The following AGFG1 variants were observed in gnomAD, a reference collection of about 807,000 sequenced individuals.
AGFG1 encodes arf-GAP domain and FG repeat-containing protein 1.
In AGFG1, 10 loss-of-function variants were observed where a neutral mutation model predicts 60.6. The observed-to-expected ratio is 0.16, with a 90% CI of 0.10 to 0.28. AGFG1 has a LOEUF of 0.28. Among genes scored for constraint, AGFG1 ranks in the 10% least tolerant of loss-of-function variants. AGFG1 has a pLI of 1.00. For synonymous variants in AGFG1, 247 were observed against 242.9 expected, an observed-to-expected ratio of 1.02 and a Z score of -0.16; for missense variants, 537 against 676.5, an observed-to-expected ratio of 0.79 and a Z score of 2.29.
intron 8 of AGFG1, among the ~76,000 whole-genome samples, chr2:227,536,027 T>C (rs1203609044): frequency 6.6e-6 from 1 of 151,986 alleles, no homozygotes; most frequent in Non-Finnish European, 1.5e-5. Context: ...GTCTTTTTAT[T>C]TTTTTTTAAT....
chr2:227,554,534 G>A lies in AGFG1; in HGVS notation c.*39G>A, dbSNP rs1204619214. ...ATTTACTGGAACGAACTTTTATGTG[G>A]TCACATTACATCTCTCCACCTCTTG... On this transcript the variant is annotated 3_prime_UTR_variant, in exon 13 of 13. Transcript: ENST00000310078. 2.0e-6 allele frequency: 3 copies of A among 1,508,022 alleles called. No individual in the cohort carries two copies. The highest frequency in any genetic ancestry group is 2.8e-6 in the Non-Finnish European group (3 of 1,086,990). The allele number at this position is 1,508,022 out of a possible 1,614,324, so 93.4% of individuals were successfully genotyped here.
At position 227,560,835 on chromosome 2, in the gene AGFG1, T is replaced by G. The variant is rs998711874; in HGVS notation, c.*6340T>G. The G allele has an allele frequency of 5.3e-5, 8 of 152,176 alleles. No homozygotes were observed. Among genetic ancestry groups the G allele is most frequent in the African/African-American group, 1.9e-4 (8 of 41,454 alleles). 9.4% of individuals were successfully genotyped at this position (152,176 alleles called of 1,614,324 possible). A position where few individuals can be genotyped will look rare whatever the true frequency, so the allele number is the denominator to read the frequency against. ...GAAATTTCTTAACATGTCTTTGCTG[T>G]TAGTCAAGCACAGGATTTGTTTTCT... On this transcript the variant is annotated 3_prime_UTR_variant, in exon 13 of 13. Transcript: ENST00000310078.
intron 12 of AGFG1, 74 bp from the exon 13 acceptor site, chr2:227,554,362 C>T: frequency 8.2e-7 from 1 of 1,225,610 alleles, no homozygotes; most frequent in Non-Finnish European, 1.2e-6. Context: ...AAATTAAATT[C>T]AGTTTAATGT....
chr2:227,516,700 A>G (rs1691661330), intron 2 of AGFG1, among the ~76,000 whole-genome samples: 1 of 152,218 alleles, frequency 6.6e-6, no homozygotes, highest in Non-Finnish European at 1.5e-5. Flanking sequence ...TGGCAGCTCT[A>G]TGATCTGTCT....
intron 2 of AGFG1, among the ~76,000 whole-genome samples, chr2:227,509,300 C>T (rs1052704740): frequency 6.6e-6 from 1 of 152,070 alleles, no homozygotes; most frequent in Non-Finnish European, 1.5e-5. Flanking sequence ...AGACATACCA[C>T]CAAACAGCTG....
At chr2:227,504,444 T>C (rs1691251966) in intron 2 of AGFG1, among the ~76,000 whole-genome samples, 1 of 152,164 alleles carries the variant, frequency 6.6e-6, no homozygotes, top group Non-Finnish European at 1.5e-5. Context: ...CCGCCTGCCT[T>C]GGCCTCCCAG....
intron 1 of AGFG1, among the ~76,000 whole-genome samples, chr2:227,474,407 A>G (rs142059979): frequency 1.3e-5 from 2 of 152,362 alleles, no homozygotes; most frequent in African/African-American, 4.8e-5. Flanking sequence ...CAAATGTGTA[A>G]TATCAAGGAC....
Position 227,488,055 on chromosome 2 carries a change from A to G in AGFG1, c.168-3492A>G, listed in dbSNP as rs996215450. ...GTGTAGCCTTGTAAAATTGTCTGCC[A>G]TTTTGTAAATTGAATCTCATTTTGA... is the stretch of plus-strand genomic sequence containing the variant. On this transcript the variant is annotated intron_variant, in intron 1 of 12. Coordinates refer to ENST00000310078, the MANE Select transcript of AGFG1 (RefSeq NM_004504.5). Among the ~76,000 whole-genome samples the G allele has an allele frequency of 4.6e-5, 7 of 152,228 alleles. No individual in the cohort carries two copies. In the South Asian group the frequency reaches 1.2e-3, roughly 27 times the overall value.
chr2:227,554,052 T>A (rs2106247052), intron 12 of AGFG1, among the ~76,000 whole-genome samples: 1 of 152,304 alleles, frequency 6.6e-6, no homozygotes, highest in South Asian at 2.1e-4. Flanking sequence ...GATCAGCTAT[T>A]TTATAATATG....
intron 1 of AGFG1, among the ~76,000 whole-genome samples, chr2:227,478,721 T>C (rs1410430130): frequency 6.6e-6 from 1 of 152,222 alleles, no homozygotes; most frequent in Non-Finnish European, 1.5e-5. Flanking sequence ...TTAGATTCTT[T>C]GTCCCCTAAT....
At chr2:227,529,568 G>A (rs1382695974) in intron 5 of AGFG1, among the ~76,000 whole-genome samples, 1 of 152,090 alleles carries the variant, frequency 6.6e-6, no homozygotes, top group Admixed American at 6.6e-5. Flanking sequence ...GTGTTGCTGG[G>A]TGGGGTCATT....
chr2:227,507,046 A>G (rs760253114), intron 2 of AGFG1, among the ~76,000 whole-genome samples: 68 of 152,266 alleles, frequency 4.5e-4, no homozygotes, highest in Non-Finnish European at 7.5e-4. Context: ...TTAGCAGCTA[A>G]TGCTCAGTGC....
chr2:227,508,422 T>TG, intron 2 of AGFG1: 1 of 267,812 alleles, frequency 3.7e-6, no homozygotes, highest in Admixed American at 4.4e-5. Flanking sequence ...CTGAAGGTTA[T>TG]ATGACCAAAC....
At chr2:227,514,396 TTAG>T (rs1281590079) in intron 2 of AGFG1, among the ~76,000 whole-genome samples, 1 of 152,122 alleles carries the variant, frequency 6.6e-6, no homozygotes, top group African/African-American at 2.4e-5. Flanking sequence ...GTGTGTGTTC[TTAG>T]TAGAGACGGG....
At chr2:227,541,662 T>G (rs1020174539) in intron 10 of AGFG1, among the ~76,000 whole-genome samples, 1 of 152,202 alleles carries the variant, frequency 6.6e-6, no homozygotes, top group African/African-American at 2.4e-5. Flanking sequence ...TTGCTTAGGA[T>G]TGTCTTGGCA....
intron 1 of AGFG1, among the ~76,000 whole-genome samples, chr2:227,483,605 CAACAT>C (rs1478405996): frequency 6.6e-6 from 1 of 152,090 alleles, no homozygotes; most frequent in Non-Finnish European, 1.5e-5. Flanking sequence ...TTTTTTCACT[CAACAT>C]ATTATCTTTA....
At chr2:227,482,983 T>C (rs1690515549) in intron 1 of AGFG1, among the ~76,000 whole-genome samples, 1 of 150,004 alleles carries the variant, frequency 6.7e-6, no homozygotes, top group South Asian at 2.1e-4. Context: ...TTGAGTCTTT[T>C]TTTTTTTTTT....
chr2:227,534,761 A>G, intron 7 of AGFG1, 84 bp from the exon 8 acceptor site: 1 of 1,405,456 alleles, frequency 7.1e-7, no homozygotes. Flanking sequence ...TTTTAAGTTT[A>G]CCTGTGTTTC....
chr2:227,552,163 T>G (rs554715442), intron 11 of AGFG1, 46 bp downstream of exon 11: 5 of 1,605,000 alleles, frequency 3.1e-6, no homozygotes, highest in South Asian at 2.2e-5. Context: ...TTATGTATCC[T>G]TTTTATATCA....
Sources: gnomAD v4.1 joint callset for allele counts (sites outside exome capture counted in the v4.1 genomes callset) on GRCh38, gnomAD v4.1.1 for gene constraint, MANE v1.5 for transcripts, NCBI Gene and HGNC (gene_info 2026-07-23, HGNC 2026-07-21) for gene names.